Variants in STRAP observed in about 807,000 individuals in gnomAD.
The protein encoded by STRAP is serine-threonine kinase receptor-associated protein.
In STRAP, 16 loss-of-function variants were observed where a neutral mutation model predicts 47.0. The observed-to-expected ratio is 0.34, with a 90% CI of 0.23 to 0.52. The LOEUF (loss-of-function observed/expected upper bound fraction) is 0.52. Among genes scored for constraint, STRAP ranks in the 20% least tolerant of loss-of-function variants. The probability of loss-of-function intolerance (pLI) is 0.96; values close to 1 mark genes in which losing one functional copy is unlikely to be tolerated. For missense variants in STRAP, 293 were observed against 420.0 expected, an observed-to-expected ratio of 0.70 and a Z score of 2.64; for synonymous variants, 130 against 142.7, an observed-to-expected ratio of 0.91 and a Z score of 0.63.
chr12:15,888,371 G>T (rs920568127), intron 2 of STRAP, among the ~76,000 whole-genome samples: 2 of 152,206 alleles, frequency 1.3e-5, no homozygotes, highest in Non-Finnish European at 2.9e-5. Context: ...ATTGGGGCCA[G>T]AGAGTTGCAT....
chr12:15,902,263 C>T (rs1161267993), intron 9 of STRAP, among the ~76,000 whole-genome samples: 1 of 152,124 alleles, frequency 6.6e-6, no homozygotes, highest in East Asian at 1.9e-4. Flanking sequence ...TGAGCCACTG[C>T]ACCCGGCCTA....
intron 2 of STRAP, among the ~76,000 whole-genome samples, chr12:15,886,293 A>C (rs1480907900): frequency 6.6e-6 from 1 of 151,702 alleles, no homozygotes; most frequent in Non-Finnish European, 1.5e-5. Context: ...AGTCTCAAGC[A>C]GTTCTCCAAC....
At chr12:15,897,022 T>A (rs1948065135) in intron 6 of STRAP, among the ~76,000 whole-genome samples, 1 of 152,224 alleles carries the variant, frequency 6.6e-6, no homozygotes, top group Non-Finnish European at 1.5e-5. Flanking sequence ...ATTGGTTTAT[T>A]AATGCTCTTC....
rs949609847 is a variant in STRAP, at chr12:15,887,493, G to C, written c.249-2435G>C. Among the ~76,000 whole-genome samples the C allele has an allele frequency of 6.6e-6, 1 of 152,110 alleles. No homozygotes were observed. The highest frequency in any genetic ancestry group is 2.4e-5 in the African/African-American group (1 of 41,408). On this transcript the variant is annotated intron_variant, in intron 2 of 9. Transcript: ENST00000419869. The surrounding 1 kb of genome is among the most constrained non-coding windows in gnomAD (Gnocchi z 5.5). ...GCCTGGAGATTGAATAATACATTAG[G>C]AAACATTTAGATTAGATCCATTTTA...
chr12:15,882,540 A>G lies in STRAP; in HGVS notation c.-168A>G. On this transcript the variant is annotated 5_prime_UTR_variant, in exon 1 of 10. Coordinates refer to ENST00000419869, the MANE Select transcript of STRAP (RefSeq NM_007178.4). ...TCGCAGACTCCCTGACCCCTCCCTC[A>G]CCCCTCCCTAACCTCGGTGCCACCG... 1 of 550,792 alleles carries G rather than the reference A, an allele frequency of 1.8e-6. No individual in the cohort carries two copies. The highest frequency in any genetic ancestry group is 3.2e-6 in the Non-Finnish European group (1 of 312,548). The allele number at this position is 550,792 out of a possible 1,614,324, so 34.1% of individuals were successfully genotyped here.
At chr12:15,902,090 G>A (rs551445372) in intron 9 of STRAP, among the ~76,000 whole-genome samples, 9 of 151,958 alleles carry the variant, frequency 5.9e-5, no homozygotes, top group South Asian at 4.2e-4. Context: ...ATTCTCCTGC[G>A]TAAGCCTCCT....
At chr12:15,898,986 G>A (rs111552406) in intron 7 of STRAP, among the ~76,000 whole-genome samples, 327 of 152,264 alleles carry the variant, frequency 2.1e-3, no homozygotes, top group Non-Finnish European at 3.6e-3. Context: ...TTTATTACTT[G>A]AATACAAGTG....
At chr12:15,885,982 A>G (rs1456138679) in intron 2 of STRAP, among the ~76,000 whole-genome samples, 1 of 152,240 alleles carries the variant, frequency 6.6e-6, no homozygotes, top group Non-Finnish European at 1.5e-5. Flanking sequence ...TGAAACTAAT[A>G]TGGCTAAAGC....
intron 2 of STRAP, 145 bp downstream of exon 2, chr12:15,883,821 C>T (rs112224415): frequency 2.7e-5 from 28 of 1,026,802 alleles, no homozygotes; most frequent in African/African-American, 8.1e-5. Context: ...AAAATTCCAT[C>T]GTGGTCCATC....
intron 6 of STRAP, 59 bp from the exon 7 acceptor site, chr12:15,897,822 TG>T: frequency 8.0e-7 from 1 of 1,254,390 alleles, no homozygotes. Flanking sequence ...ACAGTTCAAA[TG>T]TAACTCGTTA....
intron 8 of STRAP, 49 bp downstream of exon 8, chr12:15,900,102 A>G (rs756639412): frequency 1.4e-5 from 22 of 1,529,804 alleles, no homozygotes; most frequent in Admixed American, 3.9e-5. Flanking sequence ...GCATGATTTT[A>G]TGTCATTTTT....
chr12:15,883,432 A>G (rs1272025801), intron 1 of STRAP, 109 bp from the exon 2 acceptor site: 5 of 1,295,888 alleles, frequency 3.9e-6, no homozygotes, highest in Non-Finnish European at 4.2e-6. Flanking sequence ...TAAATAGCTG[A>G]AACAATTTTT....
chr12:15,888,006 T>C (rs1947985343), intron 2 of STRAP, among the ~76,000 whole-genome samples: 1 of 152,248 alleles, frequency 6.6e-6, no homozygotes, highest in South Asian at 2.1e-4. Context: ...ATTCTAATAC[T>C]TGTGAACCCT....
chr12:15,902,889 T>C, intron 9 of STRAP, 28 bp from the exon 10 acceptor site: 1 of 1,178,784 alleles, frequency 8.5e-7, no homozygotes, highest in African/African-American at 1.6e-5. Context: ...ATGTGACTTT[T>C]TTTTTTTTTT....
chr12:15,884,249 C>T (rs1947949696), intron 2 of STRAP, among the ~76,000 whole-genome samples: 2 of 152,144 alleles, frequency 1.3e-5, no homozygotes, highest in African/African-American at 4.8e-5. Flanking sequence ...TCCAATGTTC[C>T]TTCATGTAGT....
rs1018750318 is a variant in STRAP at position 15,900,115 on chromosome 12, T to A, written c.925+62T>A. On this transcript the variant is annotated intron_variant, in intron 8 of 9. Coordinates refer to ENST00000419869, the MANE Select transcript of STRAP (RefSeq NM_007178.4). ...ATGCATGATTTTATGTCATTTTTAA[T>A]CATTAATTTTATTTCAGGGTTCCTG... The A allele has an allele frequency of 3.4e-6, 5 of 1,482,620 alleles. No individual in the cohort carries two copies. In the African/African-American group the frequency reaches 7.2e-5, roughly 21 times the overall value. The allele number at this position is 1,482,620 out of a possible 1,614,324, so 91.8% of individuals were successfully genotyped here. A position where few individuals can be genotyped will look rare whatever the true frequency, so the allele number is the denominator to read the frequency against.
chr12:15,896,831 C>G lies in STRAP; in HGVS notation c.639-1051C>G, dbSNP rs138241803. ...GTTATACATGACACTTAATTGATTTCCATAAGGATTATACCACATTACACT... is the reference window on the plus strand; with the variant it reads ...GTTATACATGACACTTAATTGATTTGCATAAGGATTATACCACATTACACT... On this transcript the variant is annotated intron_variant, in intron 6 of 9. Coordinates refer to ENST00000419869, the MANE Select transcript of STRAP (RefSeq NM_007178.4). The surrounding 1 kb of genome is among the most constrained non-coding windows in gnomAD (Gnocchi z 4.1). Among the ~76,000 whole-genome samples, 10 of 152,254 alleles carry G rather than the reference C, an allele frequency of 6.6e-5. No individual in the cohort carries two copies. The highest frequency in any genetic ancestry group is 1.9e-4 in the African/African-American group (8 of 41,550).
At position 15,903,129 on chromosome 12, in the gene STRAP, A is replaced by T. The variant is rs1948118873; in HGVS notation, c.*151A>T. 2 of 782,048 alleles carry T rather than the reference A, an allele frequency of 2.6e-6. No individual in the cohort carries two copies. The highest frequency in any genetic ancestry group is 3.2e-5 in the South Asian group (1 of 30,956). 48.4% of individuals were successfully genotyped at this position (782,048 alleles called of 1,614,324 possible). Reference sequence around the variant, plus strand: ...AGCTCCAGTGCTGGAACAACTAACTAACTTGGTGTTACCTGTAAGTGAAAA... The same window carrying T: ...AGCTCCAGTGCTGGAACAACTAACTTACTTGGTGTTACCTGTAAGTGAAAA... On this transcript the variant is annotated 3_prime_UTR_variant, in exon 10 of 10. Coordinates refer to ENST00000419869, the MANE Select transcript of STRAP (RefSeq NM_007178.4).
intron 4 of STRAP, among the ~76,000 whole-genome samples, chr12:15,892,103 ATTAATG>A (rs536058038): frequency 9.9e-4 from 151 of 152,308 alleles, no homozygotes; most frequent in African/African-American, 3.5e-3. Context: ...ATTCTGTTGT[ATTAATG>A]TGAATATTCA....
Sources: gnomAD v4.1 joint callset for allele counts (sites outside exome capture counted in the v4.1 genomes callset) on GRCh38, gnomAD v4.1.1 for gene constraint, Gnocchi (gnomAD v3.1) non-coding constraint, MANE v1.5 for transcripts, NCBI Gene and HGNC (gene_info 2026-07-23, HGNC 2026-07-21) for gene names.